The following CDH2 variants were observed in gnomAD, a reference collection of about 807,000 sequenced individuals.
CDH2 encodes cadherin 2, also known as cadherin-2.
A neutral mutation model predicts 92.0 loss-of-function variants in CDH2; 17 were observed. The ratio of observed to expected loss-of-function variants is 0.18; its 90% CI spans 0.13 to 0.28. The LOEUF (loss-of-function observed/expected upper bound fraction) is 0.28. CDH2 is among the 10% of genes least tolerant of loss of function. The pLI is 1.00. For synonymous variants in CDH2, 419 were observed against 415.9 expected, an observed-to-expected ratio of 1.01 and a Z score of -0.09; for missense variants, 862 against 1,133.1, an observed-to-expected ratio of 0.76 and a Z score of 3.44.
chr18:27,964,790 T>TAAGA (rs2011496668), intron 14 of CDH2, among the ~76,000 whole-genome samples: 1 of 152,206 alleles, frequency 6.6e-6, no homozygotes, highest in African/African-American at 2.4e-5. Context: ...CCAGATCTAT[T>TAAGA]AAGAAAAGGA....
At chr18:28,103,516 CAT>C (rs1316274452) in intron 2 of CDH2, among the ~76,000 whole-genome samples, 44 of 150,670 alleles carry the variant, frequency 2.9e-4, no homozygotes, top group South Asian at 1.3e-3. Flanking sequence ...CACACACACA[CAT>C]ATACTTTAAG....
intron 2 of CDH2, among the ~76,000 whole-genome samples, chr18:28,109,617 T>C (rs2015378685): frequency 6.6e-6 from 1 of 152,172 alleles, no homozygotes; most frequent in African/African-American, 2.4e-5. Context: ...TGGAGAATTA[T>C]TTATTATTGC....
intron 2 of CDH2, among the ~76,000 whole-genome samples, chr18:28,109,391 T>G (rs2015374569): frequency 6.6e-6 from 1 of 152,206 alleles, no homozygotes; most frequent in Non-Finnish European, 1.5e-5. Context: ...ATCCCTACAC[T>G]GTTGGAAGTA....
At chr18:28,173,922 G>T (rs561815834) in intron 1 of CDH2, among the ~76,000 whole-genome samples, 35 of 152,018 alleles carry the variant, frequency 2.3e-4, no homozygotes, top group Admixed American at 2.3e-3. Context: ...ACTTTTATCA[G>T]GTAAGCTGAA....
rs185197755 is a variant in CDH2 at position 28,155,446 on chromosome 18, T to G, written c.61-7662A>C. Among the ~76,000 whole-genome samples the G allele has an allele frequency of 3.9e-5, 6 of 152,266 alleles. No individual in the cohort carries two copies. In the East Asian group the frequency reaches 1.2e-3, roughly 29 times the overall value. On this transcript the variant is annotated intron_variant, in intron 1 of 15. Transcript: ENST00000269141. ...TGTTCTGTAAGTAACTGAGAAATAT[T>G]TTAAAATTATTTTGTGAAGAAGGAA...
intron 4 of CDH2, among the ~76,000 whole-genome samples, chr18:28,010,170 T>C (rs760162508): frequency 1.3e-5 from 2 of 152,218 alleles, no homozygotes; most frequent in Non-Finnish European, 2.9e-5. Flanking sequence ...AATCAAACTC[T>C]GTCCTGGGAG....
intron 2 of CDH2, among the ~76,000 whole-genome samples, chr18:28,021,631 G>A (rs1158159064): frequency 6.6e-6 from 1 of 151,766 alleles, no homozygotes; most frequent in South Asian, 2.1e-4. Flanking sequence ...TGCTCTGAAG[G>A]TAATACCTCA....
At chr18:27,933,482 T>C (rs571501747) in intron 6 of CDH2, among the ~76,000 whole-genome samples, 28 of 152,276 alleles carry the variant, frequency 1.8e-4, no homozygotes, top group African/African-American at 6.7e-4. Flanking sequence ...TGAACCCCTA[T>C]AGCATGTCCT....
chr18:28,086,410 T>C (rs1214875684), intron 2 of CDH2, among the ~76,000 whole-genome samples: 1 of 152,132 alleles, frequency 6.6e-6, no homozygotes, highest in Non-Finnish European at 1.5e-5. Flanking sequence ...TAAGCCTTCA[T>C]TGTTTTTAAG....
intron 2 of CDH2, among the ~76,000 whole-genome samples, chr18:28,037,104 G>T (rs2013847993): frequency 6.6e-6 from 1 of 152,100 alleles, no homozygotes; most frequent in Admixed American, 6.6e-5. Context: ...GATTTGTAAG[G>T]AGTTGGTTTC....
At chr18:28,164,659 C>G (rs975686722) in intron 1 of CDH2, among the ~76,000 whole-genome samples, 1 of 151,988 alleles carries the variant, frequency 6.6e-6, no homozygotes, top group Admixed American at 6.5e-5. Flanking sequence ...AAAACACACA[C>G]ACACAGACAC....
chr18:27,935,897 A>C (rs1909007160), intron 6 of CDH2, among the ~76,000 whole-genome samples: 1 of 152,228 alleles, frequency 6.6e-6, no homozygotes, highest in African/African-American at 2.4e-5. Flanking sequence ...TTTTCATTTC[A>C]CATTTAAAGG....
chr18:27,958,541 A>T, intron 15 of CDH2, among the ~76,000 whole-genome samples: 1 of 149,962 alleles, frequency 6.7e-6, no homozygotes, highest in East Asian at 2.0e-4. Context: ...ATACACATAT[A>T]TAAATACGTG....
chr18:28,042,595 C>G (rs754222536), intron 2 of CDH2, among the ~76,000 whole-genome samples: 13 of 152,078 alleles, frequency 8.5e-5, no homozygotes, highest in Non-Finnish European at 1.8e-4. Flanking sequence ...ATGTTCCAGG[C>G]ACTGTTAGGG....
intron 2 of CDH2, among the ~76,000 whole-genome samples, chr18:28,101,075 G>A (rs1213547737): frequency 6.6e-6 from 1 of 152,118 alleles, no homozygotes; most frequent in Non-Finnish European, 1.5e-5. Flanking sequence ...CACCCCAGTG[G>A]AGAACTGACC....
At chr18:28,153,885 G>A (rs369314327) in intron 1 of CDH2, among the ~76,000 whole-genome samples, 1 of 152,120 alleles carries the variant, frequency 6.6e-6, no homozygotes, top group East Asian at 1.9e-4. Flanking sequence ...CATACAGGCC[G>A]GTAGGTCTCA....
chr18:27,973,755 T>G (rs932259900), intron 14 of CDH2, among the ~76,000 whole-genome samples: 1 of 152,030 alleles, frequency 6.6e-6, no homozygotes, highest in African/African-American at 2.4e-5. Flanking sequence ...GAATTAGGAG[T>G]GGAAGGGATG....
At chr18:27,935,343 G>A (rs1908992412) in intron 6 of CDH2, among the ~76,000 whole-genome samples, 1 of 152,154 alleles carries the variant, frequency 6.6e-6, no homozygotes, top group Non-Finnish European at 1.5e-5. Flanking sequence ...AGGAGAGACA[G>A]AGAGAGAGTG....
chr18:28,174,486 G>C (rs780766184), intron 1 of CDH2, among the ~76,000 whole-genome samples: 1 of 152,134 alleles, frequency 6.6e-6, no homozygotes, highest in East Asian at 1.9e-4. Context: ...TGCTTGACTT[G>C]TACTCATGAA....
Sources: gnomAD v4.1 joint callset for allele counts (sites outside exome capture counted in the v4.1 genomes callset) on GRCh38, gnomAD v4.1.1 for gene constraint, MANE v1.5 for transcripts, NCBI Gene and HGNC (gene_info 2026-07-23, HGNC 2026-07-21) for gene names.